PXDN: variants seen among roughly 807,000 people sequenced by gnomAD.
PXDN encodes peroxidasin homolog.
PXDN carries 77 observed loss-of-function variants against 140.3 expected under a neutral mutation model. That is an observed-to-expected ratio of 0.55 (90% confidence interval 0.46 to 0.66). The LOEUF is 0.66. Ranked by LOEUF, PXDN falls within the 30% of genes least tolerant of loss-of-function variation. The pLI is 0.00. For synonymous variants in PXDN, 911 were observed against 857.4 expected, an observed-to-expected ratio of 1.06 and a Z score of -1.09; for missense variants, 1,838 against 2,039.5, an observed-to-expected ratio of 0.90 and a Z score of 1.90.
intron 1 of PXDN, among the ~76,000 whole-genome samples, chr2:1,698,972 T>A (rs564195407): frequency 6.6e-6 from 1 of 152,302 alleles, no homozygotes; most frequent in South Asian, 2.1e-4. Flanking sequence ...TCCTTTTGTT[T>A]TGCTGTAATG....
At chr2:1,644,284 C>T (rs1188679470) in intron 18 of PXDN, among the ~76,000 whole-genome samples, 3 of 151,972 alleles carry the variant, frequency 2.0e-5, no homozygotes, top group Non-Finnish European at 2.9e-5. Flanking sequence ...AGATCTTGCC[C>T]GAAGCCCAAA....
intron 9 of PXDN, chr2:1,672,013 T>C (rs1327979667): frequency 6.6e-6 from 1 of 152,246 alleles, no homozygotes; most frequent in Non-Finnish European, 1.5e-5. Context: ...TTTAAAATTG[T>C]AGAAAAGTAT....
At chr2:1,730,287 G>C (rs970009031) in intron 1 of PXDN, among the ~76,000 whole-genome samples, 5 of 152,210 alleles carry the variant, frequency 3.3e-5, no homozygotes, top group Admixed American at 3.3e-4. Context: ...TAAAAGAGCA[G>C]GCATCATAAT....
At position 1,664,921 on chromosome 2, in the gene PXDN, G is replaced by A. The variant is rs373811409; in HGVS notation, c.1408+37C>T. ...ATGTGTGCTTCCTGCGTCTGTGGCCGCGGAGGGAGCAGGCAAAGGGCCGGC... is the reference window on the plus strand; with the variant it reads ...ATGTGTGCTTCCTGCGTCTGTGGCCACGGAGGGAGCAGGCAAAGGGCCGGC... On this transcript the variant is annotated intron_variant, in intron 11 of 22. Transcript: ENST00000252804. The A allele has an allele frequency of 3.1e-4, 461 of 1,493,300 alleles. 3 individuals are homozygous for A. The South Asian group carries it at 4.3e-3, about 14-fold the overall frequency. The allele number at this position is 1,493,300 out of a possible 1,614,324, so 92.5% of individuals were successfully genotyped here. A position where few individuals can be genotyped will look rare whatever the true frequency, so the allele number is the denominator to read the frequency against.
chr2:1,708,759 G>T (rs1684680689), intron 1 of PXDN, among the ~76,000 whole-genome samples: 1 of 152,160 alleles, frequency 6.6e-6, no homozygotes, highest in South Asian at 2.1e-4. Flanking sequence ...TAGAAACGGG[G>T]ACATCTTTTA....
chr2:1,678,428 G>A (rs1039419576), intron 7 of PXDN, among the ~76,000 whole-genome samples: 19 of 152,320 alleles, frequency 1.2e-4, no homozygotes, highest in South Asian at 2.1e-4. Context: ...TGAACGGGGT[G>A]AATTGTCTGG....
intron 1 of PXDN, among the ~76,000 whole-genome samples, chr2:1,707,395 A>G (rs201317826): frequency 8.2e-6 from 1 of 121,910 alleles, no homozygotes; most frequent in Admixed American, 8.6e-5. Flanking sequence ...TCTAAGCATC[A>G]CCTGCCCCAC....
intron 1 of PXDN, among the ~76,000 whole-genome samples, chr2:1,713,137 C>T (rs529230296): frequency 4.6e-5 from 7 of 152,244 alleles, no homozygotes; most frequent in Admixed American, 1.3e-4. Context: ...TCTTGGGGCC[C>T]GAGTCCCCAA....
rs187616574 is a variant in PXDN, at chr2:1,694,144, G to T, written c.201-1010C>A. Among the ~76,000 whole-genome samples the T allele has an allele frequency of 1.1e-3, 173 of 152,174 alleles. 1 individual carries two copies. Among genetic ancestry groups the T allele is most frequent in the African/African-American group, 4.0e-3 (167 of 41,504 alleles). On this transcript the variant is annotated intron_variant, in intron 1 of 22. Transcript: ENST00000252804. ...CATAGGTCCAATCTCTTTTAATATC[G>T]TCCAGTAGGGATCGGTACGGGTTGA...
At chr2:1,643,313 C>T in intron 19 of PXDN, 55 bp downstream of exon 19, 1 of 1,552,424 alleles carries the variant, frequency 6.4e-7, no homozygotes. Context: ...ACCCGCCAAG[C>T]AGTCACCAAA....
chr2:1,720,724 T>TCTCTCA (rs1410992286), intron 1 of PXDN, among the ~76,000 whole-genome samples: 4 of 28,114 alleles, frequency 1.4e-4, no homozygotes, highest in African/African-American at 3.0e-4. Context: ...TCTCTCTCTC[T>TCTCTCA]CACACACACA....
intron 1 of PXDN, among the ~76,000 whole-genome samples, chr2:1,710,948 C>T (rs1684754301): frequency 7.7e-6 from 1 of 129,620 alleles, no homozygotes; most frequent in Non-Finnish European, 1.6e-5. Flanking sequence ...TATGAACACC[C>T]GCTCCACCAG....
In PXDN at chr2:1,663,603, A is replaced by T. The variant is rs1164085909; in HGVS notation, c.1567+2T>A. 6.2e-7 allele frequency: 1 copy of T among 1,613,724 alleles called. No individual in the cohort carries two copies. Among genetic ancestry groups the T allele is most frequent in the Non-Finnish European group, 8.5e-7 (1 of 1,179,802 alleles). On this transcript the variant is annotated splice_donor_variant, in intron 12 of 22. Coordinates refer to ENST00000252804, the MANE Select transcript of PXDN (RefSeq NM_012293.3). LOFTEE classifies it high-confidence loss of function. ...TTCAGTCCACAACCTCCTGGCACCTACCTCTGGGCTGCACAGTCAGGTGGG... is the reference window on the plus strand; with the variant it reads ...TTCAGTCCACAACCTCCTGGCACCTTCCTCTGGGCTGCACAGTCAGGTGGG...
At chr2:1,702,212 G>A (rs1684452040) in intron 1 of PXDN, among the ~76,000 whole-genome samples, 3 of 152,218 alleles carry the variant, frequency 2.0e-5, no homozygotes, top group Admixed American at 2.0e-4. Flanking sequence ...AAGGAGCAGA[G>A]GAGGCTTGAG....
rs372019590 is a variant in PXDN at position 1,649,087 on chromosome 2, T to C, written c.2693A>G (p.Tyr898Cys). The change falls in exon 17 of 23, where the codon TAC becomes TGC. Residue 898 changes from tyrosine to cysteine, a missense_variant. By Grantham distance (194) the Tyr-to-Cys change is radical. This residue lies in a region of PXDN where 850 missense variants were observed against 894.1 expected (regional missense o/e 0.95). Transcript: ENST00000252804. The surrounding 1 kb of genome is among the most constrained non-coding windows in gnomAD (Gnocchi z 7.1). ...GAGCTGGTTGATCTGCTCCCGCGGG[T>C]ACACGGAGTTCATGAGCAGCGAAGT... Reference protein sequence around the residue: ...GMTSLLMNSVYPREQINQLTS... With the variant: ...GMTSLLMNSVCPREQINQLTS... 1 of 1,612,180 alleles carries C rather than the reference T, an allele frequency of 6.2e-7. No homozygotes were observed. Among genetic ancestry groups the C allele is most frequent in the Non-Finnish European group, 8.5e-7 (1 of 1,179,698 alleles).
In PXDN at chr2:1,693,126, C is replaced by T. The variant is rs1465037359; in HGVS notation, c.209G>A (p.Arg70His). ...TTGGATCTCTCTGATTCTGTTAAAGCGAAGATCTCTGTGAAGAAACAAGAA... is the reference window on the plus strand; with the variant it reads ...TTGGATCTCTCTGATTCTGTTAAAGTGAAGATCTCTGTGAAGAAACAAGAA... ...VAPQTSILDL[R>H]FNRIREIQPG... Residue 70 changes from arginine (R) to histidine (H), a missense_variant, in exon 2 of 23, where the codon CGC becomes CAC. Around this residue, in one of 5 missense-constraint regions of PXDN, gnomAD observed 231 missense variants for 201.5 expected, o/e 1.15. Transcript: ENST00000252804. The T allele has an allele frequency of 3.2e-6, 5 of 1,553,918 alleles. No homozygotes were observed. Among genetic ancestry groups the T allele is most frequent in the Non-Finnish European group, 4.4e-6 (5 of 1,147,170 alleles).
intron 6 of PXDN, among the ~76,000 whole-genome samples, chr2:1,681,167 T>G (rs1307814170): frequency 6.6e-6 from 1 of 152,036 alleles, no homozygotes; most frequent in Non-Finnish European, 1.5e-5. Flanking sequence ...GGGTGCACAC[T>G]GGGGTGGAGC....
intron 14 of PXDN, among the ~76,000 whole-genome samples, chr2:1,657,629 C>A (rs1683176909): frequency 6.6e-6 from 1 of 151,512 alleles, no homozygotes; most frequent in Non-Finnish European, 1.5e-5. Context: ...CCCCTACTGA[C>A]AAGGAACTAC....
rs1325260849 is a variant in PXDN, at chr2:1,662,100, T to A, written c.1652A>T (p.Glu551Val). 6.9e-6 allele frequency: 11 copies of A among 1,595,402 alleles called. No individual in the cohort carries two copies. The South Asian group carries it at 1.3e-4, about 18-fold the overall frequency. The change falls in exon 13 of 23, where the codon GAG becomes GTG. Residue 551 changes from glutamate to valine, a missense_variant. Around this residue, in one of 5 missense-constraint regions of PXDN, gnomAD observed 537 missense variants for 583.9 expected, o/e 0.92. Transcript: ENST00000252804. ...NVQLPCSSQGEPEPAITWNKD... is the reference protein window; with the variant it reads ...NVQLPCSSQGVPEPAITWNKD... ...GTTCCAGGTGATGGCTGGCTCGGGC[T>A]CGCCCTGGGAGCTGCACGGGAGCTG...
Sources: allele counts gnomAD v4.1 joint callset (sites outside exome capture counted in the v4.1 genomes callset), GRCh38; gene constraint gnomAD v4.1.1; regional missense constraint gnomAD v4.1.1; non-coding constraint Gnocchi (gnomAD v3.1); transcripts MANE v1.5; gene names NCBI Gene and HGNC (gene_info 2026-07-23, HGNC 2026-07-21).